The following KIF26B variants were observed in gnomAD, a reference collection of about 807,000 sequenced individuals.
KIF26B encodes the protein kinesin family member 26B.
Under a neutral mutation model 151.2 loss-of-function variants are expected in KIF26B, and 63 were observed. That is an observed-to-expected ratio of 0.42 (90% confidence interval 0.34 to 0.51). The LOEUF (loss-of-function observed/expected upper bound fraction) is 0.51. Ranked by LOEUF, KIF26B falls within the 20% of genes least tolerant of loss-of-function variation. The pLI is 0.07. For synonymous variants in KIF26B, 1,357 were observed against 1,262.1 expected (o/e 1.08, Z -1.59); for missense variants, 2,813 against 2,913.6 (o/e 0.97, Z 0.79).
Position 245,698,345 on chromosome 1 carries a change from TG to T in KIF26B, c.6027+39del, listed in dbSNP as rs1319901262. The T allele has an allele frequency of 6.3e-7, 1 of 1,575,656 alleles. No homozygotes were observed. Among genetic ancestry groups the T allele is most frequent in the African/African-American group, 1.3e-5 (1 of 74,452 alleles). Reference sequence around the variant, plus strand: ...TCCTTCCCACCCCCTGCCTACGTGGTGGCAGCTCCCCACCAAGCCTGAGCAG... The same window carrying T: ...TCCTTCCCACCCCCTGCCTACGTGGTGCAGCTCCCCACCAAGCCTGAGCAG... On this transcript the variant is annotated intron_variant, in intron 13 of 14. Coordinates refer to ENST00000407071, the MANE Select transcript of KIF26B (RefSeq NM_018012.4). This position sits in a 1 kb window ranked among gnomAD's most constrained non-coding sequence, Gnocchi z 4.0.
chr1:245,379,138 G>C (rs1040921965), intron 3 of KIF26B, among the ~76,000 whole-genome samples: 1 of 152,162 alleles, frequency 6.6e-6, no homozygotes, highest in Non-Finnish European at 1.5e-5. Context: ...TAAAATAAAT[G>C]TTATCCTGCA....
intron 3 of KIF26B, among the ~76,000 whole-genome samples, chr1:245,384,418 A>C (rs977152367): frequency 3.9e-5 from 6 of 152,156 alleles, no homozygotes; most frequent in Admixed American, 6.5e-5. Context: ...TTCCCATTTT[A>C]ATTAGTTAGT....
chr1:245,557,525 T>C (rs915450630), intron 5 of KIF26B, among the ~76,000 whole-genome samples: 2 of 152,216 alleles, frequency 1.3e-5, no homozygotes, highest in African/African-American at 2.4e-5. Flanking sequence ...ATAACTGTGC[T>C]GGAGAAAGTG....
intron 2 of KIF26B, among the ~76,000 whole-genome samples, chr1:245,250,825 TC>T (rs1394304542): frequency 6.6e-6 from 1 of 152,212 alleles, no homozygotes; most frequent in Non-Finnish European, 1.5e-5. Context: ...TGAATGTAAA[TC>T]TTTTGTTATC....
At chr1:245,628,302 C>T (rs1283090437) in intron 9 of KIF26B, among the ~76,000 whole-genome samples, 1 of 152,112 alleles carries the variant, frequency 6.6e-6, no homozygotes, top group African/African-American at 2.4e-5. Context: ...GCCAACATGG[C>T]AAAACCCTGT....
At chr1:245,189,106 A>C (rs1465156678) in intron 2 of KIF26B, among the ~76,000 whole-genome samples, 2 of 152,228 alleles carry the variant, frequency 1.3e-5, no homozygotes, top group African/African-American at 4.8e-5. Flanking sequence ...AAGATGAAAA[A>C]GTTCTGGAGA....
At chr1:245,319,238 G>A (rs113123807) in intron 2 of KIF26B, among the ~76,000 whole-genome samples, 3,683 of 152,330 alleles carry the variant, frequency 0.024, 76 homozygotes, top group Non-Finnish European at 0.038. Context: ...CCATCCTTGT[G>A]CTTTTATCTC....
intron 9 of KIF26B, among the ~76,000 whole-genome samples, chr1:245,641,333 A>G (rs1469136012): frequency 6.9e-6 from 1 of 145,202 alleles, no homozygotes; most frequent in Non-Finnish European, 1.5e-5. Flanking sequence ...GTTGAATCTG[A>G]TCGGTGACTT....
chr1:245,580,442 A>G (rs2043164198), intron 5 of KIF26B, among the ~76,000 whole-genome samples: 1 of 152,270 alleles, frequency 6.6e-6, no homozygotes, highest in Non-Finnish European at 1.5e-5. Flanking sequence ...TGGAGTGTAG[A>G]AAATGAAAAG....
At chr1:245,233,938 T>A (rs1218268112) in intron 2 of KIF26B, among the ~76,000 whole-genome samples, 3 of 152,122 alleles carry the variant, frequency 2.0e-5, no homozygotes, top group East Asian at 1.9e-4. Context: ...TCCCAGCAAT[T>A]TGGGAGGCTG....
intron 4 of KIF26B, among the ~76,000 whole-genome samples, chr1:245,428,367 G>A (rs530958664): frequency 1.3e-5 from 2 of 152,242 alleles, no homozygotes; most frequent in East Asian, 1.9e-4. Context: ...AGTGCCATCC[G>A]ATTTCAAGGG....
At chr1:245,692,544 C>T (rs1241264298) in intron 12 of KIF26B, among the ~76,000 whole-genome samples, 4 of 151,860 alleles carry the variant, frequency 2.6e-5, no homozygotes, top group Admixed American at 1.3e-4. Flanking sequence ...GGCCTGTGGG[C>T]GACACAGCGA....
chr1:245,600,876 CTGTT>C (rs950941993), intron 5 of KIF26B, among the ~76,000 whole-genome samples: 16 of 152,182 alleles, frequency 1.1e-4, no homozygotes, highest in Admixed American at 3.3e-4. Flanking sequence ...AGAAGTGTGA[CTGTT>C]TGTGGGAGGC....
chr1:245,676,489 A>G (rs1380919134), intron 10 of KIF26B: 1 of 152,254 alleles, frequency 6.6e-6, no homozygotes, highest in African/African-American at 2.4e-5. Context: ...TTATTTATAA[A>G]TTGGAGTTAC....
intron 2 of KIF26B, among the ~76,000 whole-genome samples, chr1:245,292,730 T>C (rs12084116): frequency 0.52 from 79,437 of 152,022 alleles, 21,242 homozygotes; most frequent in East Asian, 0.67. Context: ...ATTCTGGAAG[T>C]GGCTGGCAGA....
intron 2 of KIF26B, among the ~76,000 whole-genome samples, chr1:245,317,240 A>G (rs1032970934): frequency 6.6e-6 from 1 of 152,202 alleles, no homozygotes; most frequent in African/African-American, 2.4e-5. Context: ...CCCTTCTTAG[A>G]AATTAGCTCT....
At chr1:245,376,720 C>T (rs1673284603) in intron 3 of KIF26B, among the ~76,000 whole-genome samples, 1 of 152,102 alleles carries the variant, frequency 6.6e-6, no homozygotes, top group East Asian at 1.9e-4. Context: ...CTGAGTCTTG[C>T]TCTATCACCC....
At chr1:245,674,959 T>C (rs1406157127) in intron 10 of KIF26B, among the ~76,000 whole-genome samples, 2 of 152,174 alleles carry the variant, frequency 1.3e-5, no homozygotes, top group East Asian at 3.8e-4. Flanking sequence ...CTGTCACGTG[T>C]GACAACTGCA....
At chr1:245,221,154 A>C (rs1669758513) in intron 2 of KIF26B, among the ~76,000 whole-genome samples, 1 of 152,100 alleles carries the variant, frequency 6.6e-6, no homozygotes, top group African/African-American at 2.4e-5. Context: ...ATCTTAAGAA[A>C]GTGTGTAGCC....
Sources: allele counts gnomAD v4.1 joint callset (sites outside exome capture counted in the v4.1 genomes callset), GRCh38; gene constraint gnomAD v4.1.1; non-coding constraint Gnocchi (gnomAD v3.1); transcripts MANE v1.5; gene names NCBI Gene and HGNC (gene_info 2026-07-23, HGNC 2026-07-21).